The following RBM47 variants were observed in gnomAD, a reference collection of about 807,000 sequenced individuals.
RBM47 encodes RNA-binding protein 47.
In RBM47, 21 loss-of-function variants were observed where a neutral mutation model predicts 47.1. That is an observed-to-expected ratio of 0.45 (90% CI 0.32 to 0.64). RBM47 has a LOEUF of 0.64. RBM47 is among the 30% of genes least tolerant of loss of function. The probability of loss-of-function intolerance (pLI) is 0.05; values close to 1 mark genes in which losing one functional copy is unlikely to be tolerated. For synonymous variants in RBM47, 375 were observed against 361.7 expected (o/e 1.04, Z -0.42); for missense variants, 708 against 870.9 (o/e 0.81, Z 2.35).
intron 3 of RBM47, among the ~76,000 whole-genome samples, chr4:40,455,943 T>G (rs1716175410): frequency 6.6e-6 from 1 of 152,234 alleles, no homozygotes; most frequent in Non-Finnish European, 1.5e-5. Flanking sequence ...AATTAAAATG[T>G]AAAGAACCTG....
chr4:40,578,593 A>T (rs1732559617), intron 1 of RBM47, among the ~76,000 whole-genome samples: 2 of 152,070 alleles, frequency 1.3e-5, no homozygotes, highest in South Asian at 4.1e-4. Context: ...CATGCCCACC[A>T]CTTAGATTTC....
At chr4:40,584,693 G>GTACT (rs758808418) in intron 1 of RBM47, among the ~76,000 whole-genome samples, 3 of 152,030 alleles carry the variant, frequency 2.0e-5, no homozygotes, top group Non-Finnish European at 4.4e-5. Flanking sequence ...TGCCTCAAAT[G>GTACT]TACTTACAAG....
chr4:40,448,548 C>T (rs1577658358), intron 3 of RBM47, among the ~76,000 whole-genome samples: 1 of 152,088 alleles, frequency 6.6e-6, no homozygotes, highest in African/African-American at 2.4e-5. Context: ...CTAATAATCA[C>T]GTCTTAAGCA....
chr4:40,450,431 T>C (rs1025030922), intron 3 of RBM47, among the ~76,000 whole-genome samples: 1 of 150,312 alleles, frequency 6.7e-6, no homozygotes, highest in African/African-American at 2.4e-5. Context: ...CTGTCTCTAC[T>C]GAAAAAAAAA....
intron 1 of RBM47, among the ~76,000 whole-genome samples, chr4:40,572,918 G>C (rs531806481): frequency 6.6e-6 from 1 of 151,618 alleles, no homozygotes; most frequent in Non-Finnish European, 1.5e-5. Context: ...TTGGGAGGCC[G>C]AGGCGGGCGG....
At chr4:40,555,391 A>T (rs536509346) in intron 1 of RBM47, among the ~76,000 whole-genome samples, 11 of 151,910 alleles carry the variant, frequency 7.2e-5, no homozygotes, top group African/African-American at 2.4e-4. Flanking sequence ...TTCTAATGAG[A>T]CTCTCTACAG....
At chr4:40,619,733 A>G (rs1167817783) in intron 1 of RBM47, among the ~76,000 whole-genome samples, 1 of 152,108 alleles carries the variant, frequency 6.6e-6, no homozygotes, top group Non-Finnish European at 1.5e-5. Flanking sequence ...GACCTCACCT[A>G]TGGGATTCCC....
Position 40,431,039 on chromosome 4 carries a change from T to A in RBM47, c.1542+1612A>T, listed in dbSNP as rs1715909810. ...GTTGAGGTTGCAGTGAGCCATGCAC[T>A]CCAGCCTGGGTGACAGAGTGAGACT... On this transcript the variant is annotated intron_variant, in intron 6 of 6. Coordinates refer to ENST00000295971, the MANE Select transcript of RBM47 (RefSeq NM_001098634.2). Among the ~76,000 whole-genome samples the A allele has an allele frequency of 2.0e-5, 3 of 152,104 alleles. No homozygotes were observed. In the South Asian group the frequency reaches 6.2e-4, roughly 32 times the overall value.
intron 1 of RBM47, among the ~76,000 whole-genome samples, chr4:40,577,665 G>T (rs1732474364): frequency 6.6e-6 from 1 of 151,186 alleles, no homozygotes; most frequent in Admixed American, 6.6e-5. Context: ...AAAAGTCTGG[G>T]ATAAGCTGAT....
rs1715285962 is a variant in RBM47 at position 40,427,882 on chromosome 4, GATAATT to G, written c.1543-1745_1543-1740del. ...AATAATTTTAATTTATAATTATAAT[GATAATT>G]ATAACAATTAATAACTCAGAGGCTG... On this transcript the variant is annotated intron_variant, in intron 6 of 6. Transcript: ENST00000295971. 4.0e-5 allele frequency among the ~76,000 whole-genome samples: 6 copies of G among 151,724 alleles called. No individual in the cohort carries two copies. In the South Asian group the frequency reaches 1.2e-3, roughly 32 times the overall value.
chr4:40,518,663 A>G (rs1478455932), intron 2 of RBM47, among the ~76,000 whole-genome samples: 1 of 152,104 alleles, frequency 6.6e-6, no homozygotes. Flanking sequence ...TCACACTCTC[A>G]TGCACATGCA....
At chr4:40,540,596 G>A (rs1366816027) in intron 2 of RBM47, among the ~76,000 whole-genome samples, 1 of 147,244 alleles carries the variant, frequency 6.8e-6, no homozygotes, top group Non-Finnish European at 1.5e-5. Flanking sequence ...TCAAGATCAC[G>A]CCATTGACTC....
At chr4:40,545,707 G>T (rs1308693575) in intron 1 of RBM47, among the ~76,000 whole-genome samples, 3 of 65,348 alleles carry the variant, frequency 4.6e-5, no homozygotes, top group East Asian at 4.8e-4. Flanking sequence ...ATAAATAAAA[G>T]AGAAAGAGAG....
At chr4:40,630,455 G>C (rs1181728421), upstream of RBM47, 1 of 152,206 alleles carries the variant, frequency 6.6e-6, no homozygotes, top group East Asian at 1.9e-4. Flanking sequence ...CTCCCGGGGC[G>C]TCCTTACCTG....
At chr4:40,605,862 C>A (rs1047191504) in intron 1 of RBM47, among the ~76,000 whole-genome samples, 1 of 151,424 alleles carries the variant, frequency 6.6e-6, no homozygotes, top group Non-Finnish European at 1.5e-5. Context: ...ACGGGTTTTC[C>A]ATTTAAGAAA....
intron 1 of RBM47, among the ~76,000 whole-genome samples, chr4:40,549,602 A>G (rs1200974229): frequency 6.8e-6 from 1 of 147,234 alleles, no homozygotes; most frequent in African/African-American, 2.5e-5. Flanking sequence ...GGCTCACTGC[A>G]ACCTACGCCT....
chr4:40,559,054 G>A (rs1730368487), intron 1 of RBM47, among the ~76,000 whole-genome samples: 1 of 152,156 alleles, frequency 6.6e-6, no homozygotes, highest in Non-Finnish European at 1.5e-5. Flanking sequence ...TGATTGTGGT[G>A]AATAGGGCAG....
chr4:40,464,839 C>T (rs1347291596), intron 3 of RBM47, among the ~76,000 whole-genome samples: 48 of 129,954 alleles, frequency 3.7e-4, no homozygotes, highest in African/African-American at 1.1e-3. Context: ...TGCAGTGAGC[C>T]GAGATCGCGC....
At chr4:40,507,927 G>A (rs550357126) in intron 2 of RBM47, among the ~76,000 whole-genome samples, 27 of 152,202 alleles carry the variant, frequency 1.8e-4, no homozygotes, top group African/African-American at 6.3e-4. Context: ...TTAGCCAGGC[G>A]TGGTGGCGCA....
Sources: allele counts gnomAD v4.1 joint callset (sites outside exome capture counted in the v4.1 genomes callset), GRCh38; gene constraint gnomAD v4.1.1; transcripts MANE v1.5; gene names NCBI Gene and HGNC (gene_info 2026-07-23, HGNC 2026-07-21).